Variants in EXD3 observed in about 807,000 individuals in gnomAD.
EXD3 encodes exonuclease 3'-5' domain containing 3.
Under a neutral mutation model 98.0 loss-of-function variants are expected in EXD3, and 92 were observed. The observed-to-expected ratio is 0.94, with a 90% confidence interval of 0.79 to 1.12. The LOEUF is 1.12. EXD3 is among the 50% of genes most tolerant of loss of function. EXD3 has a pLI of 0.00. For missense variants in EXD3, 1,222 were observed against 1,191.6 expected (o/e 1.03, Z -0.38); for synonymous variants, 569 against 526.0 (o/e 1.08, Z -1.12).
intron 1 of EXD3, among the ~76,000 whole-genome samples, chr9:137,396,065 T>G (rs1357589507): frequency 6.6e-6 from 1 of 151,974 alleles, no homozygotes; most frequent in East Asian, 1.9e-4. Flanking sequence ...CCTTCCGGGT[T>G]CAAGCGATTC....
At chr9:137,348,289 C>T in intron 16 of EXD3, 51 bp from the exon 17 acceptor site, 1 of 1,568,780 alleles carries the variant, frequency 6.4e-7, no homozygotes, top group East Asian at 2.3e-5. Context: ...CAGCCCCTCA[C>T]AGCCTCAGAG....
rs973945880 is a variant in EXD3, at chr9:137,393,212, G to A, written c.55+2091C>T. 5.7e-6 allele frequency: 4 copies of A among 702,752 alleles called. No individual in the cohort carries two copies. Among genetic ancestry groups the A allele is most frequent in the Admixed American group, 2.0e-5 (1 of 50,002 alleles). The allele number at this position is 702,752 out of a possible 1,614,324, so 43.5% of individuals were successfully genotyped here. ...CATCCCACTCTGCTTAGGTGGAGAA[G>A]AGGCTGTAGAAGCCTGTGGGTGCCT... On this transcript the variant is annotated intron_variant, in intron 2 of 21. Coordinates refer to ENST00000340951, the MANE Select transcript of EXD3 (RefSeq NM_017820.5). The surrounding 1 kb of genome is among the most constrained non-coding windows in gnomAD (Gnocchi z 4.6).
intron 7 of EXD3, among the ~76,000 whole-genome samples, chr9:137,362,812 T>A (rs1221878469): frequency 6.6e-6 from 1 of 152,112 alleles, no homozygotes; most frequent in Non-Finnish European, 1.5e-5. Context: ...GTTGTTGTTG[T>A]TTTTGTTGTT....
At chr9:137,413,350 G>C (rs1012918372) in intron 1 of EXD3, among the ~76,000 whole-genome samples, 9 of 151,832 alleles carry the variant, frequency 5.9e-5, no homozygotes, top group African/African-American at 2.2e-4. Flanking sequence ...ATAGGCGCCT[G>C]CCACCACGCC....
Position 137,349,332 on chromosome 9 carries a change from G to A in EXD3, c.1657+37C>T, listed in dbSNP as rs369575147. On this transcript the variant is annotated intron_variant, in intron 15 of 21. Transcript: ENST00000340951. This position sits in a 1 kb window ranked among gnomAD's most constrained non-coding sequence, Gnocchi z 7.4. ...TCCCGGGACAGAGGGCGGGAGGGGC[G>A]TGAGGAGGGGTCACTCCCACCCGCC... 85 of 1,553,094 alleles carry A rather than the reference G, an allele frequency of 5.5e-5. No individual in the cohort carries two copies. In the African/African-American group the frequency reaches 5.5e-4, roughly 10 times the overall value.
chr9:137,367,667 G>T (rs1001707344), intron 6 of EXD3: 2 of 411,644 alleles, frequency 4.9e-6, no homozygotes, highest in East Asian at 9.9e-5. Flanking sequence ...CAGGGAAGGG[G>T]TGGCCCCAGC....
In EXD3 at chr9:137,407,251, C is replaced by T. The variant is rs894577455; in HGVS notation, c.-47-11847G>A. ...CCCTACCCGCACGCCCAGGCTGGGT[C>T]TCCGTTTCCCACCAGGCCAGCGCTG... is the stretch of plus-strand genomic sequence containing the variant. On this transcript the variant is annotated intron_variant, in intron 1 of 21. Coordinates refer to ENST00000340951, the MANE Select transcript of EXD3 (RefSeq NM_017820.5). This position sits in a 1 kb window ranked among gnomAD's most constrained non-coding sequence, Gnocchi z 4.4. Among the ~76,000 whole-genome samples, 7 of 152,162 alleles carry T rather than the reference C, an allele frequency of 4.6e-5. No individual in the cohort carries two copies. The highest frequency in any genetic ancestry group is 4.6e-4 in the Admixed American group (7 of 15,308).
chr9:137,402,757 G>A (rs927520940), intron 1 of EXD3, among the ~76,000 whole-genome samples: 20 of 152,172 alleles, frequency 1.3e-4, no homozygotes, highest in African/African-American at 4.3e-4. Context: ...CCGTTTTCAC[G>A]CTGCTGATAA....
At chr9:137,413,139 A>G (rs1838077807) in intron 1 of EXD3, among the ~76,000 whole-genome samples, 1 of 152,098 alleles carries the variant, frequency 6.6e-6, no homozygotes, top group Admixed American at 6.5e-5. Context: ...TTTACCCTCA[A>G]AGTTACAACT....
In EXD3 at chr9:137,349,630, C is replaced by T; in HGVS notation, c.1495-99G>A. ...AGCCCTGCGGGGGCTCTGGAGGAGGCCCCGCCCCCTCCACCAGCGGCCCCC... is the reference window on the plus strand; with the variant it reads ...AGCCCTGCGGGGGCTCTGGAGGAGGTCCCGCCCCCTCCACCAGCGGCCCCC... On this transcript the variant is annotated intron_variant, in intron 14 of 21. Transcript: ENST00000340951. The surrounding 1 kb of genome is among the most constrained non-coding windows in gnomAD (Gnocchi z 7.4). The T allele has an allele frequency of 1.6e-6, 2 of 1,274,698 alleles. No homozygotes were observed. Among genetic ancestry groups the T allele is most frequent in the Non-Finnish European group, 2.1e-6 (2 of 966,122 alleles). 79.0% of individuals were successfully genotyped at this position (1,274,698 alleles called of 1,614,324 possible).
intron 19 of EXD3, among the ~76,000 whole-genome samples, chr9:137,316,579 T>C (rs1466172742): frequency 6.6e-6 from 1 of 152,176 alleles, no homozygotes; most frequent in Non-Finnish European, 1.5e-5. Flanking sequence ...AGGGCCCCAG[T>C]ACTCCCTCCA....
At chr9:137,358,888 G>GT (rs1564512062) in intron 7 of EXD3, among the ~76,000 whole-genome samples, 1 of 150,336 alleles carries the variant, frequency 6.7e-6, no homozygotes, top group East Asian at 2.0e-4. Flanking sequence ...GTTTTGTCAC[G>GT]TTGCTCAGGC....
At chr9:137,404,044 GC>G (rs1195521290) in intron 1 of EXD3, among the ~76,000 whole-genome samples, 1 of 150,484 alleles carries the variant, frequency 6.6e-6, no homozygotes, top group Non-Finnish European at 1.5e-5. Context: ...GGGAGGGTGG[GC>G]CCCACTCCCT....
Position 137,352,659 on chromosome 9 carries a change from G to C in EXD3, c.998C>G (p.Ala333Gly). 1.3e-6 allele frequency: 2 copies of C among 1,549,132 alleles called. No homozygotes were observed. Residue 333 changes from alanine (A) to glycine (G), a missense_variant, in exon 11 of 22, where the codon GCG (alanine) becomes GGG (glycine). By Grantham distance (60) the Ala-to-Gly change is moderately conservative. Coordinates refer to ENST00000340951, the MANE Select transcript of EXD3 (RefSeq NM_017820.5). ...GAACCGGCGGAGTTCCACAGCCACC[G>C]CAGCCGGCAGCCGCTCCTCGGGCAG... is the stretch of plus-strand genomic sequence containing the variant. The part of the protein sequence containing the change: ...LLLPEERLPA[A>G]VAVELRRFRL...
chr9:137,363,193 A>G (rs1407553765), intron 7 of EXD3, among the ~76,000 whole-genome samples: 2 of 151,206 alleles, frequency 1.3e-5, no homozygotes, highest in African/African-American at 4.9e-5. Context: ...ATCCTCATGA[A>G]ATATGTTGGA....
intron 1 of EXD3, among the ~76,000 whole-genome samples, chr9:137,410,658 C>T (rs1005071856): frequency 3.3e-5 from 5 of 152,132 alleles, no homozygotes; most frequent in Admixed American, 6.5e-5. Flanking sequence ...CCCAGGGAGA[C>T]GACACAGCTG....
At position 137,326,399 on chromosome 9, in the gene EXD3, G is replaced by A. The variant is rs971415552; in HGVS notation, c.1999-2256C>T. ...TGAAGGGCAGGGCACGGTGCCTTAC[G>A]CCTGTAATCCCAATACTTTGGGAGG... On this transcript the variant is annotated intron_variant, in intron 17 of 21. Coordinates refer to ENST00000340951, the MANE Select transcript of EXD3 (RefSeq NM_017820.5). 9.2e-5 allele frequency among the ~76,000 whole-genome samples: 14 copies of A among 152,276 alleles called. No individual in the cohort carries two copies. The East Asian group carries it at 1.2e-3, about 13-fold the overall frequency.
In EXD3 at chr9:137,368,954, G is replaced by C. The variant is rs945402538; in HGVS notation, c.463-965C>G. Among the ~76,000 whole-genome samples the C allele has an allele frequency of 5.4e-5, 8 of 149,000 alleles. No individual in the cohort carries two copies. The South Asian group carries it at 6.4e-4, about 12-fold the overall frequency. The stretch of plus-strand genomic sequence containing the variant: ...GGGAAGGGAGTCTCAGGCCCGTGAG[G>C]AGGGGCACAGGGCCGGGGGACGGGG... On this transcript the variant is annotated intron_variant, in intron 5 of 21. Transcript: ENST00000340951.
rs865876593 is a variant in EXD3 at position 137,329,124 on chromosome 9, G to A, written c.1999-4981C>T. The stretch of plus-strand genomic sequence containing the variant: ...ACGGGGCTACACGGGGCTACACGGG[G>A]CTACACGGGAGCTACACGGGAGCTA... On this transcript the variant is annotated intron_variant, in intron 17 of 21. Coordinates refer to ENST00000340951, the MANE Select transcript of EXD3 (RefSeq NM_017820.5). Among the ~76,000 whole-genome samples, 43 of 4,424 alleles carry A rather than the reference G, an allele frequency of 9.7e-3. 1 individual carries two copies. The highest frequency in any genetic ancestry group is 0.031 in the African/African-American group (17 of 544). The allele number at this position is 4,424 out of a possible 152,430, so 2.9% of individuals were successfully genotyped here.
Sources: allele counts gnomAD v4.1 joint callset (sites outside exome capture counted in the v4.1 genomes callset), GRCh38; gene constraint gnomAD v4.1.1; non-coding constraint Gnocchi (gnomAD v3.1); transcripts MANE v1.5; gene names NCBI Gene and HGNC (gene_info 2026-07-23, HGNC 2026-07-21).